Variants in DIAPH1 observed in about 807,000 individuals in gnomAD.
The protein encoded by DIAPH1 is protein diaphanous homolog 1.
DIAPH1 carries 46 observed loss-of-function variants against 140.7 expected under a neutral mutation model. The ratio of observed to expected loss-of-function variants is 0.33; its 90% CI spans 0.26 to 0.42. The LOEUF is 0.42. Among genes scored for constraint, DIAPH1 ranks in the 10% least tolerant of loss-of-function variants. The probability of loss-of-function intolerance (pLI) is 1.00; values close to 1 mark genes in which losing one functional copy is unlikely to be tolerated. For synonymous variants in DIAPH1, 565 were observed against 551.6 expected (o/e 1.02, Z -0.34); for missense variants, 1,310 against 1,558.7 (o/e 0.84, Z 2.69).
chr5:141,544,967 T>C (rs928134436), intron 18 of DIAPH1, among the ~76,000 whole-genome samples: 6 of 152,230 alleles, frequency 3.9e-5, no homozygotes, highest in African/African-American at 1.4e-4. Flanking sequence ...ATCAGCTTTA[T>C]TCATAATTGC....
chr5:141,561,156 T>C (rs1408816232), intron 18 of DIAPH1, among the ~76,000 whole-genome samples: 1 of 151,898 alleles, frequency 6.6e-6, no homozygotes, highest in Non-Finnish European at 1.5e-5. Flanking sequence ...CTAAAAGAAA[T>C]GCAAACACAC....
intron 3 of DIAPH1, among the ~76,000 whole-genome samples, chr5:141,586,075 T>G (rs1448246625): frequency 2.0e-5 from 3 of 152,192 alleles, no homozygotes; most frequent in African/African-American, 7.2e-5. Flanking sequence ...CTAACAAAAA[T>G]GCCAAAAGCC....
chr5:141,533,965 A>C (rs1405872876), intron 19 of DIAPH1, among the ~76,000 whole-genome samples: 1 of 129,798 alleles, frequency 7.7e-6, no homozygotes, highest in African/African-American at 2.9e-5. Flanking sequence ...CAGGAAGCTG[A>C]GGTGGCAGTG....
chr5:141,519,912 A>C (rs2099886250), intron 27 of DIAPH1, among the ~76,000 whole-genome samples: 1 of 152,208 alleles, frequency 6.6e-6, no homozygotes, highest in Non-Finnish European at 1.5e-5. Flanking sequence ...TGACTACAAG[A>C]GAACAGTCCC....
At chr5:141,528,658 C>T in intron 22 of DIAPH1, 44 bp downstream of exon 22, 15 of 1,614,246 alleles carry the variant, frequency 9.3e-6, no homozygotes, top group African/African-American at 1.3e-5. Context: ...CTCATAGAGG[C>T]TACAGCCTTC....
chr5:141,536,939 G>A (rs1245162522), intron 18 of DIAPH1, among the ~76,000 whole-genome samples: 1 of 152,164 alleles, frequency 6.6e-6, no homozygotes, highest in Non-Finnish European at 1.5e-5. Context: ...GGAGGCCTAG[G>A]TGGGAGGGTC....
chr5:141,524,699 A>G (rs2099887047), intron 26 of DIAPH1: 1 of 253,262 alleles, frequency 3.9e-6, no homozygotes, highest in African/African-American at 2.2e-5. Flanking sequence ...TCCAGTGGCT[A>G]AGTCTTCCTG....
At chr5:141,571,407 A>G in intron 18 of DIAPH1, 21 bp downstream of exon 18, 1 of 1,597,814 alleles carries the variant, frequency 6.3e-7, no homozygotes. Context: ...ACCAAACTAA[A>G]AGGCTCTTTT....
intron 18 of DIAPH1, among the ~76,000 whole-genome samples, chr5:141,547,211 A>G (rs1176972698): frequency 6.6e-6 from 1 of 152,264 alleles, no homozygotes; most frequent in Non-Finnish European, 1.5e-5. Flanking sequence ...CAGGCGCGGT[A>G]ATCCCGCACT....
intron 18 of DIAPH1, among the ~76,000 whole-genome samples, chr5:141,569,775 A>G (rs2099894883): frequency 6.6e-6 from 1 of 152,100 alleles, no homozygotes. Context: ...ATAAAAATAA[A>G]AATAAAAAAA....
intron 1 of DIAPH1, among the ~76,000 whole-genome samples, chr5:141,606,010 T>C (rs1345348234): frequency 1.3e-5 from 2 of 152,242 alleles, no homozygotes; most frequent in Non-Finnish European, 2.9e-5. Context: ...CTGACACACA[T>C]CTTTCACAAA....
Position 141,578,270 on chromosome 5 carries a change from G to A in DIAPH1, c.1118C>T (p.Ser373Phe), listed in dbSNP as rs760368627. 1 of 1,614,050 alleles carries A rather than the reference G, an allele frequency of 6.2e-7. No individual in the cohort carries two copies. The highest frequency in any genetic ancestry group is 1.7e-5 in the Admixed American group (1 of 60,004). Reference protein sequence around the residue: ...NVFDEQGEEDSYDLKGRLDDI... With the variant: ...NVFDEQGEEDFYDLKGRLDDI... ...ATCCAGCCGTCCCTTCAGGTCATAG[G>A]AATCCTCTTCCCCTTGTTCATCAAA... Residue 373 changes from serine to phenylalanine, a missense_variant, in exon 11 of 28, where the codon TCC (serine) becomes TTC (phenylalanine). Transcript: ENST00000389054.
chr5:141,558,646 G>A (rs1215384786), intron 18 of DIAPH1, among the ~76,000 whole-genome samples: 4 of 152,154 alleles, frequency 2.6e-5, no homozygotes, highest in Non-Finnish European at 5.9e-5. Flanking sequence ...GATAAAGCCT[G>A]CAGCATTTGT....
Position 141,528,826 on chromosome 5 carries a change from T to C in DIAPH1, c.2894A>G (p.Glu965Gly). 6.2e-7 allele frequency: 1 copy of C among 1,614,226 alleles called. No homozygotes were observed. Among genetic ancestry groups the C allele is most frequent in the Non-Finnish European group, 8.5e-7 (1 of 1,180,046 alleles). ...PEIVSVTAACEELRKSESFSN... is the reference protein window; with the variant it reads ...PEIVSVTAACGELRKSESFSN... ...AAAGCTCTCACTCTTACGTAACTCC[T>C]CACATGCAGCAGTGACAGACACAAT... Residue 965 changes from glutamate (E) to glycine (G), a missense_variant, in exon 22 of 28, where the codon GAG (glutamate) becomes GGG (glycine). Coordinates refer to ENST00000389054, the MANE Select transcript of DIAPH1 (RefSeq NM_005219.5).
chr5:141,542,103 A>G (rs776519270), intron 18 of DIAPH1, among the ~76,000 whole-genome samples: 3 of 152,248 alleles, frequency 2.0e-5, no homozygotes, highest in Non-Finnish European at 4.4e-5. Context: ...ATGCACATTC[A>G]TAGCAGCTCT....
In DIAPH1 at chr5:141,526,090, C is replaced by T. The variant is rs1389733900; in HGVS notation, c.3522G>A (p.Lys1174=). ...RAKLAKEKAE[K]ERLEKQQKRE... is the part of the protein sequence containing the mutation. The stretch of plus-strand genomic sequence containing the variant: ...TCTTCTGCTGCTTCTCTAGCCGCTC[C>T]TTCTCTGCCTTCTCCTTGGCTAGTT... The change falls in exon 26 of 28, where the codon AAG becomes AAA. Residue 1174 remains lysine (K), a synonymous_variant. Coordinates refer to ENST00000389054, the MANE Select transcript of DIAPH1 (RefSeq NM_005219.5). 1 of 1,614,010 alleles carries T rather than the reference C, an allele frequency of 6.2e-7. No individual in the cohort carries two copies. The highest frequency in any genetic ancestry group is 8.5e-7 in the Non-Finnish European group (1 of 1,180,034).
intron 1 of DIAPH1, 74 bp from the exon 2 acceptor site, chr5:141,588,324 G>A (rs181034628): frequency 1.8e-6 from 2 of 1,109,638 alleles, no homozygotes; most frequent in Admixed American, 1.7e-5. Context: ...CCAAACACCA[G>A]ACGGGTTGGG....
Position 141,573,696 on chromosome 5 carries a change from GGGA to G in DIAPH1, c.2151_2153del (p.Pro719del), listed in dbSNP as rs747273584. 9.4e-6 allele frequency: 15 copies of G among 1,599,980 alleles called. No individual in the cohort carries two copies. The East Asian group carries it at 1.3e-4, about 14-fold the overall frequency. On this transcript the variant is annotated inframe_deletion, in exon 16 of 28. Coordinates refer to ENST00000389054, the MANE Select transcript of DIAPH1 (RefSeq NM_005219.5). ...GGATTCCAGGACCACCAGGAAGAGG[GGGA>G]GGAGGAGGTGGCATTCCTGCTTCTC... is the stretch of plus-strand genomic sequence containing the variant.
rs1281781499 is a variant in DIAPH1, at chr5:141,522,227, G to C, written c.3661+1916C>G. On this transcript the variant is annotated intron_variant, in intron 27 of 27. Transcript: ENST00000389054. ...AGAGCCTAGAAAGATAAGCTTATAG[G>C]CTAGAGCCACTTAAAATATATGTAA... is the stretch of plus-strand genomic sequence containing the variant. 2.0e-5 allele frequency among the ~76,000 whole-genome samples: 3 copies of C among 152,306 alleles called. No homozygotes were observed. The East Asian group carries it at 5.8e-4, about 29-fold the overall frequency.
Sources: allele counts gnomAD v4.1 joint callset (sites outside exome capture counted in the v4.1 genomes callset), GRCh38; gene constraint gnomAD v4.1.1; transcripts MANE v1.5; gene names NCBI Gene and HGNC (gene_info 2026-07-23, HGNC 2026-07-21).